NME7: variants seen among roughly 807,000 people sequenced by gnomAD.
NME7 encodes the protein nucleoside diphosphate kinase 7.
Under a neutral mutation model 49.1 loss-of-function variants are expected in NME7, and 41 were observed. The observed-to-expected ratio is 0.83, with a 90% CI of 0.65 to 1.08. NME7 has a LOEUF of 1.08. Among genes scored for constraint, NME7 ranks in the 50% least tolerant of loss-of-function variants. The probability of loss-of-function intolerance (pLI) is 0.00; values close to 1 mark genes in which losing one functional copy is unlikely to be tolerated. For missense variants in NME7, 423 were observed against 463.4 expected (o/e 0.91, Z 0.80); for synonymous variants, 139 against 150.6 (o/e 0.92, Z 0.56).
At chr1:169,154,797 A>G (rs959144441) in intron 11 of NME7, among the ~76,000 whole-genome samples, 34 of 133,448 alleles carry the variant, frequency 2.5e-4, no homozygotes, top group Middle Eastern at 3.8e-3. Context: ...GACTCTGTCT[A>G]AAAAAAAAAA....
At chr1:169,254,634 T>G (rs1262716364) in intron 7 of NME7, among the ~76,000 whole-genome samples, 1 of 148,504 alleles carries the variant, frequency 6.7e-6, no homozygotes, top group Admixed American at 6.7e-5. Flanking sequence ...CTTGCTTTTC[T>G]AGTTCTTTTA....
At chr1:169,325,035 C>G (rs1475231499) in intron 1 of NME7, among the ~76,000 whole-genome samples, 1 of 151,710 alleles carries the variant, frequency 6.6e-6, no homozygotes, top group Non-Finnish European at 1.5e-5. Flanking sequence ...ATGTGTTAGT[C>G]TAGGACCTCT....
intron 11 of NME7, among the ~76,000 whole-genome samples, chr1:169,166,411 A>C (rs1454149865): frequency 6.6e-6 from 1 of 152,210 alleles, no homozygotes; most frequent in Non-Finnish European, 1.5e-5. Flanking sequence ...ATAACAGAAA[A>C]TCTTAATGGA....
chr1:169,146,998 GCACAGTGAAAT>G (rs1256945648), intron 11 of NME7, among the ~76,000 whole-genome samples: 2 of 152,180 alleles, frequency 1.3e-5, no homozygotes, highest in African/African-American at 4.8e-5. Flanking sequence ...TCATGGGTAA[GCACAGTGAAAT>G]CACAGTGAGA....
rs531482374 is a variant in NME7 at position 169,343,885 on chromosome 1, T to C, written c.4-19385A>G. On this transcript the variant is annotated intron_variant, in intron 1 of 11. Coordinates refer to ENST00000367811, the MANE Select transcript of NME7 (RefSeq NM_013330.5). ...TTTGTTGTTCTTGTTTAAAACACCTTGGCTAATCTGGGCCCTTCACATTTC... is the reference window on the plus strand; with the variant it reads ...TTTGTTGTTCTTGTTTAAAACACCTCGGCTAATCTGGGCCCTTCACATTTC... Among the ~76,000 whole-genome samples the C allele has an allele frequency of 2.0e-5, 3 of 152,342 alleles. No individual in the cohort carries two copies. In the East Asian group the frequency reaches 5.8e-4, roughly 29 times the overall value.
chr1:169,302,886 A>G (rs1204796789), intron 5 of NME7, among the ~76,000 whole-genome samples: 1 of 152,224 alleles, frequency 6.6e-6, no homozygotes, highest in Non-Finnish European at 1.5e-5. Flanking sequence ...AAAAATTTTA[A>G]AAGTTATCCT....
intron 1 of NME7, among the ~76,000 whole-genome samples, chr1:169,361,637 A>T (rs900659051): frequency 1.1e-4 from 16 of 152,066 alleles, no homozygotes; most frequent in African/African-American, 3.9e-4. Flanking sequence ...AAAGTTAGCC[A>T]GGCGTGGTGG....
Position 169,260,690 on chromosome 1 carries a change from G to T in NME7, c.755-23003C>A, listed in dbSNP as rs1041893040. 3.7e-5 allele frequency among the ~76,000 whole-genome samples: 5 copies of T among 133,588 alleles called. 2 individuals are homozygous for T. The highest frequency in any genetic ancestry group is 8.8e-5 in the Non-Finnish European group (5 of 56,784). 87.6% of individuals were successfully genotyped at this position (133,588 alleles called of 152,430 possible). A position where few individuals can be genotyped will look rare whatever the true frequency, so the allele number is the denominator to read the frequency against. On this transcript the variant is annotated intron_variant, in intron 7 of 11. Coordinates refer to ENST00000367811, the MANE Select transcript of NME7 (RefSeq NM_013330.5). ...AGATGTTTAATCTGCAGAGGAAAGGGTTAGGAGGATACATAGAAAACCAGT... is the reference window on the plus strand; with the variant it reads ...AGATGTTTAATCTGCAGAGGAAAGGTTTAGGAGGATACATAGAAAACCAGT...
intron 11 of NME7, among the ~76,000 whole-genome samples, chr1:169,164,526 C>G (rs1401134111): frequency 1.3e-5 from 2 of 152,160 alleles, no homozygotes; most frequent in Non-Finnish European, 2.9e-5. Context: ...GAAACCTACG[C>G]ATAGTGAGAT....
chr1:169,309,484 C>T (rs1252824587), intron 4 of NME7, among the ~76,000 whole-genome samples: 1 of 152,048 alleles, frequency 6.6e-6, no homozygotes, highest in African/African-American at 2.4e-5. Flanking sequence ...CGGAAGAGGC[C>T]ATAAAAAGAC....
At position 169,265,461 on chromosome 1, in the gene NME7, T is replaced by C. The variant is rs1249301340; in HGVS notation, c.754+21842A>G. On this transcript the variant is annotated intron_variant, in intron 7 of 11. Transcript: ENST00000367811. ...AGAACAAAGACACAACAAATCAGTA[T>C]TTCTGGGACACAGCTAAGGCAGTGT... is the stretch of plus-strand genomic sequence containing the variant. 3.0e-5 allele frequency among the ~76,000 whole-genome samples: 4 copies of C among 133,276 alleles called. 1 individual carries two copies. In the East Asian group the frequency reaches 8.0e-4, roughly 27 times the overall value. The allele number at this position is 133,276 out of a possible 152,430, so 87.4% of individuals were successfully genotyped here.
intron 11 of NME7, among the ~76,000 whole-genome samples, chr1:169,163,037 CAT>C (rs1230981906): frequency 1.3e-5 from 2 of 152,094 alleles, no homozygotes; most frequent in Non-Finnish European, 2.9e-5. Flanking sequence ...GAAAAGACCA[CAT>C]GTTTAAAGGT....
intron 1 of NME7, among the ~76,000 whole-genome samples, chr1:169,359,126 A>G (rs1653562738): frequency 6.6e-6 from 1 of 152,136 alleles, no homozygotes; most frequent in Non-Finnish European, 1.5e-5. Context: ...TCCCTTACAT[A>G]CAATGATATA....
intron 3 of NME7, among the ~76,000 whole-genome samples, chr1:169,313,106 C>A (rs1651461406): frequency 6.8e-6 from 1 of 147,836 alleles, no homozygotes; most frequent in Non-Finnish European, 1.5e-5. Flanking sequence ...TTATTCAGAA[C>A]AATTCTTCCA....
intron 11 of NME7, among the ~76,000 whole-genome samples, chr1:169,160,325 C>T (rs12724812): frequency 0.38 from 57,636 of 151,600 alleles, 11,356 homozygotes; most frequent in East Asian, 0.73. Context: ...AAACTGTTCA[C>T]CAGAAAATAA....
intron 7 of NME7, among the ~76,000 whole-genome samples, chr1:169,249,485 C>T (rs1203310615): frequency 1.3e-5 from 2 of 151,978 alleles, no homozygotes; most frequent in African/African-American, 4.8e-5. Context: ...CTTATCCTTG[C>T]CTGATTGCTC....
intron 11 of NME7, among the ~76,000 whole-genome samples, chr1:169,141,003 G>T (rs553831031): frequency 6.6e-6 from 1 of 152,238 alleles, no homozygotes; most frequent in South Asian, 2.1e-4. Flanking sequence ...GACTAAATAA[G>T]ATCCTTTATA....
At chr1:169,355,153 T>C (rs1400382944) in intron 1 of NME7, among the ~76,000 whole-genome samples, 2 of 39,974 alleles carry the variant, frequency 5.0e-5, no homozygotes, top group African/African-American at 1.9e-4. Context: ...TAATATACTA[T>C]ATATTATAGA....
At chr1:169,324,792 C>A (rs2101939436) in intron 1 of NME7, among the ~76,000 whole-genome samples, 1 of 152,292 alleles carries the variant, frequency 6.6e-6, no homozygotes, top group East Asian at 1.9e-4. Flanking sequence ...AGAACATGAG[C>A]TCCTGATTTT....
Sources: allele counts gnomAD v4.1 joint callset (sites outside exome capture counted in the v4.1 genomes callset), GRCh38; gene constraint gnomAD v4.1.1; transcripts MANE v1.5; gene names NCBI Gene and HGNC (gene_info 2026-07-23, HGNC 2026-07-21).